The following PITPNC1 variants were observed in gnomAD, a reference collection of about 807,000 sequenced individuals.
PITPNC1 encodes phosphatidylinositol transfer protein cytoplasmic 1.
Under a neutral mutation model 44.7 loss-of-function variants are expected in PITPNC1, and 18 were observed. That is an observed-to-expected ratio of 0.40 (90% CI 0.28 to 0.60). The LOEUF is 0.60. Among genes scored for constraint, PITPNC1 ranks in the 20% least tolerant of loss-of-function variants. The pLI is 0.39. For missense variants in PITPNC1, 290 were observed against 418.4 expected, an observed-to-expected ratio of 0.69 and a Z score of 2.68; for synonymous variants, 141 against 149.6, an observed-to-expected ratio of 0.94 and a Z score of 0.42.
At chr17:67,522,370 A>G (rs2040335919) in intron 1 of PITPNC1, among the ~76,000 whole-genome samples, 1 of 151,818 alleles carries the variant, frequency 6.6e-6, no homozygotes, top group South Asian at 2.1e-4. Flanking sequence ...CTGGCATGGC[A>G]GGAATCAGGG....
rs181538108 is a variant in PITPNC1 at position 67,526,188 on chromosome 17, C to A, written c.49-6614C>A. On this transcript the variant is annotated intron_variant, in intron 1 of 8. Coordinates refer to ENST00000581322, the MANE Select transcript of PITPNC1 (RefSeq NM_012417.4). ...TAGAGATTGGTTGGTAGGAAGATGACCCCCACTAGGTGCTTTAGGGTAGGG... is the reference window on the plus strand; with the variant it reads ...TAGAGATTGGTTGGTAGGAAGATGAACCCCACTAGGTGCTTTAGGGTAGGG... Among the ~76,000 whole-genome samples, 5 of 151,996 alleles carry A rather than the reference C, an allele frequency of 3.3e-5. No homozygotes were observed. In the East Asian group the frequency reaches 9.7e-4, roughly 29 times the overall value.
chr17:67,636,641 G>C (rs2144342237), intron 6 of PITPNC1, among the ~76,000 whole-genome samples: 1 of 152,288 alleles, frequency 6.6e-6, no homozygotes, highest in South Asian at 2.1e-4. Flanking sequence ...CATTCCCCCA[G>C]GGGCGACTCC....
In PITPNC1 at chr17:67,510,517, G is replaced by T. The variant is rs527743002; in HGVS notation, c.49-22285G>T. On this transcript the variant is annotated intron_variant, in intron 1 of 8. Coordinates refer to ENST00000581322, the MANE Select transcript of PITPNC1 (RefSeq NM_012417.4). The stretch of plus-strand genomic sequence containing the variant: ...TTCAGAAGCCTCTCTAATGCCTCAA[G>T]CCCTTCACTACTCAAGAGGGCGCCC... 1.9e-4 allele frequency among the ~76,000 whole-genome samples: 29 copies of T among 152,300 alleles called. No homozygotes were observed. The East Asian group carries it at 4.8e-3, about 25-fold the overall frequency.
intron 1 of PITPNC1, among the ~76,000 whole-genome samples, chr17:67,466,787 G>C (rs1241040127): frequency 1.3e-5 from 2 of 152,072 alleles, no homozygotes; most frequent in African/African-American, 4.8e-5. Flanking sequence ...AGGAGGTTGG[G>C]CTGGGAGATG....
At chr17:67,642,995 C>A (rs1406358934) in intron 6 of PITPNC1, among the ~76,000 whole-genome samples, 5 of 152,178 alleles carry the variant, frequency 3.3e-5, no homozygotes, top group Admixed American at 2.0e-4. Flanking sequence ...GTAGGTCAAA[C>A]AAAATCAAGG....
intron 1 of PITPNC1, among the ~76,000 whole-genome samples, chr17:67,409,506 T>G (rs1598627037): frequency 6.6e-6 from 1 of 152,196 alleles, no homozygotes; most frequent in East Asian, 1.9e-4. Context: ...ATCCTGAAAT[T>G]GCTGCATATA....
At chr17:67,528,453 G>C (rs553163035) in intron 1 of PITPNC1, among the ~76,000 whole-genome samples, 1 of 152,298 alleles carries the variant, frequency 6.6e-6, no homozygotes, top group East Asian at 1.9e-4. Context: ...TCAATTCTAC[G>C]ATCAATTCTC....
intron 4 of PITPNC1, among the ~76,000 whole-genome samples, chr17:67,560,338 A>T (rs1370824797): frequency 1.3e-5 from 2 of 152,202 alleles, no homozygotes; most frequent in African/African-American, 4.8e-5. Flanking sequence ...CAGTGAGCTA[A>T]TGTGTTGCCT....
rs1444172465 is a variant in PITPNC1, at chr17:67,507,546, G to A, written c.49-25256G>A. ...CTAAAAATACAAAAATTAGCCAGGC[G>A]TGGTGGCATGCATTTATAATCCCAG... On this transcript the variant is annotated intron_variant, in intron 1 of 8. Coordinates refer to ENST00000581322, the MANE Select transcript of PITPNC1 (RefSeq NM_012417.4). Among the ~76,000 whole-genome samples the A allele has an allele frequency of 6.6e-5, 10 of 151,826 alleles. No homozygotes were observed. In the South Asian group the frequency reaches 1.3e-3, roughly 19 times the overall value.
intron 6 of PITPNC1, among the ~76,000 whole-genome samples, chr17:67,646,052 G>C (rs2042145285): frequency 6.6e-6 from 1 of 152,194 alleles, no homozygotes; most frequent in African/African-American, 2.4e-5. Flanking sequence ...TTGAACCTGG[G>C]AGGTGGATGT....
In PITPNC1 at chr17:67,676,330, CT is replaced by C. The variant is rs1374945072; in HGVS notation, c.682+796del. On this transcript the variant is annotated intron_variant, in intron 8 of 8. Transcript: ENST00000581322. The surrounding 1 kb of genome is among the most constrained non-coding windows in gnomAD (Gnocchi z 4.0). ...ATCCTAATTGAAACTATTGTTCTGG[CT>C]TTTTTTTCATGATCTGGGAAGAGTT... Among the ~76,000 whole-genome samples the C allele has an allele frequency of 1.3e-5, 2 of 152,104 alleles. No individual in the cohort carries two copies. The highest frequency in any genetic ancestry group is 4.8e-5 in the African/African-American group (2 of 41,510).
chr17:67,385,831 CAAG>C (rs2038039360), intron 1 of PITPNC1, among the ~76,000 whole-genome samples: 1 of 151,982 alleles, frequency 6.6e-6, no homozygotes, highest in South Asian at 2.1e-4. Flanking sequence ...ATGGAACAGA[CAAG>C]GAGCAGATGC....
intron 1 of PITPNC1, among the ~76,000 whole-genome samples, chr17:67,518,282 A>G (rs1302639551): frequency 2.6e-5 from 4 of 152,172 alleles, no homozygotes; most frequent in Admixed American, 2.6e-4. Flanking sequence ...CCTTACAAAG[A>G]GTGATTTAAC....
intron 1 of PITPNC1, among the ~76,000 whole-genome samples, chr17:67,398,614 A>C (rs1191212966): frequency 6.6e-6 from 1 of 152,070 alleles, no homozygotes. Context: ...TCTCAGCTGT[A>C]ATGGTTTCCC....
chr17:67,543,906 G>A (rs562394906), intron 2 of PITPNC1, among the ~76,000 whole-genome samples: 22 of 152,182 alleles, frequency 1.4e-4, no homozygotes, highest in African/African-American at 4.3e-4. Context: ...GCAGGAGTGC[G>A]GTGCTGTAAT....
chr17:67,488,130 C>A (rs1311229367), intron 1 of PITPNC1, among the ~76,000 whole-genome samples: 2 of 152,148 alleles, frequency 1.3e-5, no homozygotes, highest in African/African-American at 4.8e-5. Flanking sequence ...AAAGGTAAGT[C>A]CCTCTTTAAA....
chr17:67,558,623 T>C (rs962698111), intron 4 of PITPNC1, among the ~76,000 whole-genome samples: 3 of 152,134 alleles, frequency 2.0e-5, no homozygotes, highest in African/African-American at 7.2e-5. Context: ...AGTAATACAG[T>C]TGGCGTATAT....
chr17:67,568,843 A>G (rs1041153936), intron 4 of PITPNC1, among the ~76,000 whole-genome samples: 2 of 152,054 alleles, frequency 1.3e-5, no homozygotes, highest in Non-Finnish European at 2.9e-5. Context: ...GAATACTTTT[A>G]TTTTTCTTTT....
chr17:67,391,873 G>A (rs1191953492), intron 1 of PITPNC1, among the ~76,000 whole-genome samples: 2 of 152,148 alleles, frequency 1.3e-5, no homozygotes, highest in African/African-American at 4.8e-5. Context: ...AGTAAGAGAA[G>A]AAAGTGGTCC....
Sources: gnomAD v4.1 joint callset for allele counts (sites outside exome capture counted in the v4.1 genomes callset) on GRCh38, gnomAD v4.1.1 for gene constraint, Gnocchi (gnomAD v3.1) non-coding constraint, MANE v1.5 for transcripts, NCBI Gene and HGNC (gene_info 2026-07-23, HGNC 2026-07-21) for gene names.